NFYC: variants seen among roughly 807,000 people sequenced by gnomAD.
NFYC encodes the protein nuclear transcription factor Y subunit gamma, also known as CAAT box DNA-binding protein subunit C.
NFYC carries 25 observed loss-of-function variants against 53.1 expected under a neutral mutation model. The ratio of observed to expected loss-of-function variants is 0.47; its 90% confidence interval spans 0.34 to 0.66. The LOEUF is 0.66. Ranked by LOEUF, NFYC falls within the 30% of genes least tolerant of loss-of-function variation. The pLI, the probability that NFYC is intolerant of heterozygous loss-of-function variation, is 0.01. For missense variants in NFYC, 260 were observed against 422.7 expected (o/e 0.62, Z 3.38); for synonymous variants, 145 against 152.6 (o/e 0.95, Z 0.37).
intron 6 of NFYC, 23 bp downstream of exon 6, chr1:40,758,317 C>G: frequency 6.3e-7 from 1 of 1,588,684 alleles, no homozygotes; most frequent in Non-Finnish European, 8.6e-7. Context: ...CTGAGGATGC[C>G]CATCCAGCAA....
Position 40,757,191 on chromosome 1 carries a change from A to G in NFYC, c.388-930A>G, listed in dbSNP as rs555901181. 4.2e-4 allele frequency: 112 copies of G among 268,020 alleles called. 3 individuals carry two copies. In the Middle Eastern group the frequency reaches 4.8e-3, roughly 12 times the overall value. 16.6% of individuals were successfully genotyped at this position (268,020 alleles called of 1,614,324 possible). A position where few individuals can be genotyped will look rare whatever the true frequency, so the allele number is the denominator to read the frequency against. On this transcript the variant is annotated intron_variant, in intron 5 of 9. Transcript: ENST00000447388. ...TTTTATTGTTTTTGTTGTCCCAGGCAGGGGCACCATGTGTCACACAGGTCA... is the reference window on the plus strand; with the variant it reads ...TTTTATTGTTTTTGTTGTCCCAGGCGGGGGCACCATGTGTCACACAGGTCA...
At chr1:40,747,188 AACTT>A (rs1645650567) in intron 2 of NFYC, among the ~76,000 whole-genome samples, 1 of 111,276 alleles carries the variant, frequency 9.0e-6, no homozygotes. Flanking sequence ...CAGACTGGTA[AACTT>A]ACTTGGAAAA....
intron 1 of NFYC, among the ~76,000 whole-genome samples, chr1:40,717,120 T>C (rs1480013210): frequency 6.6e-6 from 1 of 152,124 alleles, no homozygotes; most frequent in African/African-American, 2.4e-5. Flanking sequence ...TTTAGGATCA[T>C]AGAGATTATA....
Position 40,766,640 on chromosome 1 carries a change from G to A in NFYC, c.765G>A (p.Gln255=). 1 of 1,614,112 alleles carries A rather than the reference G, an allele frequency of 6.2e-7. No individual in the cohort carries two copies. The highest frequency in any genetic ancestry group is 8.5e-7 in the Non-Finnish European group (1 of 1,180,018). The change falls in exon 8 of 10, where the codon CAG becomes CAA. Residue 255 remains glutamine (Q), a synonymous_variant. Transcript: ENST00000447388. ...AGQLQYIRLA[Q]PVSGTQVVQG... is the part of the protein sequence containing the mutation. ...AGCTGCAGTATATCCGCTTAGCCCAGCCTGTATCAGGCACTCAAGTTGTGC... is the reference window on the plus strand; with the variant it reads ...AGCTGCAGTATATCCGCTTAGCCCAACCTGTATCAGGCACTCAAGTTGTGC...
chr1:40,748,075 AT>A (rs760727866), intron 3 of NFYC, among the ~76,000 whole-genome samples: 1 of 151,980 alleles, frequency 6.6e-6, no homozygotes, highest in Non-Finnish European at 1.5e-5. Flanking sequence ...ACCTCAGGTG[AT>A]ATGCCTGCCT....
At chr1:40,716,413 T>A (rs1644137904) in intron 1 of NFYC, among the ~76,000 whole-genome samples, 1 of 152,172 alleles carries the variant, frequency 6.6e-6, no homozygotes. Flanking sequence ...CAGTAAATGG[T>A]CAACTGCTTA....
At chr1:40,693,376 T>G (rs1642947278) in intron 1 of NFYC, among the ~76,000 whole-genome samples, 1 of 152,246 alleles carries the variant, frequency 6.6e-6, no homozygotes, top group South Asian at 2.1e-4. Context: ...GGAAACACAT[T>G]TATGTTAAAC....
chr1:40,754,325 G>A (rs1557887852), intron 5 of NFYC: 1 of 534,376 alleles, frequency 1.9e-6, no homozygotes, highest in Non-Finnish European at 3.8e-6. Context: ...ACTAGAGTAG[G>A]GTGTGCCTCA....
chr1:40,737,810 T>G (rs932959225), intron 1 of NFYC, among the ~76,000 whole-genome samples: 1 of 152,156 alleles, frequency 6.6e-6, no homozygotes, highest in Non-Finnish European at 1.5e-5. Context: ...CAGATTTGTC[T>G]GAGATTAGAA....
chr1:40,740,328 A>G (rs1419527644), intron 2 of NFYC, among the ~76,000 whole-genome samples: 1 of 152,224 alleles, frequency 6.6e-6, no homozygotes, highest in East Asian at 1.9e-4. Flanking sequence ...GATACTGTGG[A>G]TACAGTAATG....
intron 1 of NFYC, among the ~76,000 whole-genome samples, chr1:40,718,531 T>C (rs981435203): frequency 6.6e-6 from 1 of 152,194 alleles, no homozygotes; most frequent in Non-Finnish European, 1.5e-5. Context: ...GGAACAAACA[T>C]ACAGTCAAAT....
At chr1:40,692,928 T>C (rs551891811) in intron 1 of NFYC, among the ~76,000 whole-genome samples, 2 of 152,308 alleles carry the variant, frequency 1.3e-5, no homozygotes, top group East Asian at 3.9e-4. Context: ...AGATGTTGTA[T>C]ATGAAATTTG....
chr1:40,714,255 C>T (rs1345848278), intron 1 of NFYC, among the ~76,000 whole-genome samples: 1 of 152,146 alleles, frequency 6.6e-6, no homozygotes, highest in African/African-American at 2.4e-5. Flanking sequence ...TCATTTTAAG[C>T]ATTTGACAAG....
chr1:40,769,335 C>A, intron 8 of NFYC, 21 bp from the exon 9 acceptor site: 1 of 1,613,716 alleles, frequency 6.2e-7, no homozygotes, highest in South Asian at 1.1e-5. Flanking sequence ...CATACCAACT[C>A]TACCATCTTG....
chr1:40,722,903 GAAA>G (rs887130836), intron 1 of NFYC, among the ~76,000 whole-genome samples: 7 of 151,966 alleles, frequency 4.6e-5, no homozygotes, highest in African/African-American at 1.7e-4. Context: ...AAACAGAAAA[GAAA>G]AAAGAGTGAC....
chr1:40,695,173 A>C (rs985729411), intron 1 of NFYC, among the ~76,000 whole-genome samples: 1 of 152,138 alleles, frequency 6.6e-6, no homozygotes, highest in Non-Finnish European at 1.5e-5. Flanking sequence ...CGGGAGGTAG[A>C]GGTTGCAGTG....
intron 1 of NFYC, among the ~76,000 whole-genome samples, chr1:40,707,522 G>A (rs1262065775): frequency 3.3e-5 from 5 of 149,354 alleles, no homozygotes; most frequent in African/African-American, 7.4e-5. Context: ...ATTTATCCTC[G>A]TCCAGGCACA....
chr1:40,697,682 G>A (rs1056238815), intron 1 of NFYC, among the ~76,000 whole-genome samples: 4 of 152,166 alleles, frequency 2.6e-5, no homozygotes, highest in East Asian at 1.9e-4. Flanking sequence ...AAGTAGGACC[G>A]TTGGTTTGGT....
At chr1:40,700,454 G>C (rs571012592) in intron 1 of NFYC, among the ~76,000 whole-genome samples, 2 of 152,214 alleles carry the variant, frequency 1.3e-5, no homozygotes, top group African/African-American at 4.8e-5. Context: ...TCATCCTCTT[G>C]CCTCAGCTTC....
Sources: gnomAD v4.1 joint callset for allele counts (sites outside exome capture counted in the v4.1 genomes callset) on GRCh38, gnomAD v4.1.1 for gene constraint, MANE v1.5 for transcripts, NCBI Gene and HGNC (gene_info 2026-07-23, HGNC 2026-07-21) for gene names.